LRP1B: variants seen among roughly 807,000 people sequenced by gnomAD.
LRP1B encodes LDL receptor related protein 1B.
In LRP1B, 217 loss-of-function variants were observed where a neutral mutation model predicts 556.6. The observed-to-expected ratio is 0.39, with a 90% CI of 0.35 to 0.44. The LOEUF is 0.44. Among genes scored for constraint, LRP1B ranks in the 20% least tolerant of loss-of-function variants. The pLI is 1.00. For missense variants in LRP1B, 5,053 were observed against 5,620.8 expected (o/e 0.90, Z 3.23); for synonymous variants, 2,047 against 1,865.8 (o/e 1.10, Z -2.50).
rs199617672 is a variant in LRP1B at position 141,984,382 on chromosome 2, TG to T, written c.82+146265del. 8.5e-3 allele frequency among the ~76,000 whole-genome samples: 309 copies of T among 36,280 alleles called. 5 individuals carry two copies. In the East Asian group the frequency reaches 0.26, roughly 31 times the overall value. 23.8% of individuals were successfully genotyped at this position (36,280 alleles called of 152,430 possible). A position where few individuals can be genotyped will look rare whatever the true frequency, so the allele number is the denominator to read the frequency against. On this transcript the variant is annotated intron_variant, in intron 1 of 90. Transcript: ENST00000389484. ...ACCAGGAAAATTGATGAAAGGTATG[TG>T]TTTAAGAGTTTGACAGAAACAGGAT... is the stretch of plus-strand genomic sequence containing the variant.
chr2:140,815,870 T>G (rs1573756119), intron 31 of LRP1B, among the ~76,000 whole-genome samples: 2 of 148,134 alleles, frequency 1.4e-5, no homozygotes, highest in African/African-American at 4.9e-5. Context: ...TGTCTCTCTT[T>G]TTTTTTTTTT....
Position 141,647,703 on chromosome 2 carries a change from G to GTTTT in LRP1B, c.205+162572_205+162575dup, listed in dbSNP as rs61107233. ...GTTTAGAACAGGGAATAACCTTCTA[G>GTTTT]TTTTTTTTTTTTTAAATAAGAGAGA... On this transcript the variant is annotated intron_variant, in intron 2 of 90. Transcript: ENST00000389484. Among the ~76,000 whole-genome samples the GTTTT allele has an allele frequency of 1.1e-3, 163 of 145,408 alleles. 1 individual carries two copies. The highest frequency in any genetic ancestry group is 2.2e-3 in the African/African-American group (86 of 39,974).
intron 2 of LRP1B, among the ~76,000 whole-genome samples, chr2:141,517,004 TAAAAAA>T (rs71391654): frequency 1.7e-4 from 2 of 11,730 alleles, no homozygotes; most frequent in South Asian, 0.014. Flanking sequence ...GCCCGTCTCT[TAAAAAA>T]AAAAAAAAAA....
At chr2:141,034,842 C>A in intron 11 of LRP1B, among the ~76,000 whole-genome samples, 1 of 151,198 alleles carries the variant, frequency 6.6e-6, no homozygotes, top group Admixed American at 6.6e-5. Flanking sequence ...TTTGACCCAG[C>A]CATCCCATTA....
At chr2:140,890,701 TATTAG>T (rs1305752762) in intron 23 of LRP1B, among the ~76,000 whole-genome samples, 1 of 152,028 alleles carries the variant, frequency 6.6e-6, no homozygotes, top group Non-Finnish European at 1.5e-5. Context: ...TATGTTGACT[TATTAG>T]ATTATTATTT....
intron 41 of LRP1B, among the ~76,000 whole-genome samples, chr2:140,666,277 T>A (rs1559042139): frequency 6.9e-6 from 1 of 145,150 alleles, no homozygotes; most frequent in Non-Finnish European, 1.5e-5. Context: ...ATAGGCAAAA[T>A]TTTTTAATAT....
intron 35 of LRP1B, among the ~76,000 whole-genome samples, chr2:140,719,709 C>T (rs943726083): frequency 6.6e-6 from 1 of 152,010 alleles, no homozygotes; most frequent in African/African-American, 2.4e-5. Flanking sequence ...ACCATGAGAT[C>T]ACAGCATTGA....
chr2:140,809,459 C>A (rs1690841498), intron 32 of LRP1B, among the ~76,000 whole-genome samples: 1 of 152,080 alleles, frequency 6.6e-6, no homozygotes, highest in Non-Finnish European at 1.5e-5. Context: ...CACTCCCAAG[C>A]TAGTTCAGAT....
intron 1 of LRP1B, among the ~76,000 whole-genome samples, chr2:141,870,282 T>G (rs904465386): frequency 6.6e-6 from 1 of 151,986 alleles, no homozygotes; most frequent in African/African-American, 2.4e-5. Context: ...TTCTCTACTC[T>G]GATGACTTCA....
At chr2:141,997,688 T>C (rs1702540303) in intron 1 of LRP1B, among the ~76,000 whole-genome samples, 1 of 150,572 alleles carries the variant, frequency 6.6e-6, no homozygotes, top group African/African-American at 2.4e-5. Context: ...GCTTTTTTTT[T>C]CTCTCTTAGG....
chr2:141,238,711 G>C (rs1683749688), intron 5 of LRP1B, among the ~76,000 whole-genome samples: 1 of 152,074 alleles, frequency 6.6e-6, no homozygotes, highest in Admixed American at 6.6e-5. Context: ...TCTTTAGAGA[G>C]AGTAATCTAA....
intron 2 of LRP1B, among the ~76,000 whole-genome samples, chr2:141,670,680 A>T (rs557108960): frequency 2.0e-5 from 3 of 152,358 alleles, no homozygotes; most frequent in African/African-American, 4.8e-5. Context: ...TTAAAACAAT[A>T]AATATTTTCC....
intron 3 of LRP1B, among the ~76,000 whole-genome samples, chr2:141,448,359 G>T (rs1052353415): frequency 2.0e-4 from 31 of 152,172 alleles, no homozygotes; most frequent in Admixed American, 1.7e-3. Flanking sequence ...GGCTCTGTGG[G>T]GTGGGATCTG....
chr2:140,564,939 T>C (rs1681070588), intron 43 of LRP1B, among the ~76,000 whole-genome samples: 1 of 152,098 alleles, frequency 6.6e-6, no homozygotes, highest in Non-Finnish European at 1.5e-5. Flanking sequence ...GATCTACTTG[T>C]ATATTTTTTA....
intron 7 of LRP1B, among the ~76,000 whole-genome samples, chr2:141,111,056 A>G (rs1026918275): frequency 3.9e-5 from 6 of 152,220 alleles, no homozygotes; most frequent in Non-Finnish European, 7.3e-5. Context: ...CAGTCACCCC[A>G]TGAAATAAGC....
At chr2:140,548,840 G>A (rs1329703442) in intron 43 of LRP1B, among the ~76,000 whole-genome samples, 7 of 152,010 alleles carry the variant, frequency 4.6e-5, no homozygotes, top group South Asian at 2.1e-4. Flanking sequence ...CAGGAAAATC[G>A]CTTGAACCCG....
chr2:141,554,101 C>G (rs1363450353), intron 2 of LRP1B, among the ~76,000 whole-genome samples: 1 of 134,734 alleles, frequency 7.4e-6, no homozygotes, highest in Non-Finnish European at 1.6e-5. Flanking sequence ...TTATATATAT[C>G]TATATTAATA....
intron 41 of LRP1B, among the ~76,000 whole-genome samples, chr2:140,604,305 G>A (rs980434249): frequency 2.0e-5 from 3 of 151,798 alleles, no homozygotes; most frequent in African/African-American, 7.3e-5. Context: ...GCATGAGTCA[G>A]GTCCTGACAT....
intron 32 of LRP1B, among the ~76,000 whole-genome samples, chr2:140,803,849 GAAAT>G (rs1168167725): frequency 5.3e-5 from 8 of 150,846 alleles, no homozygotes; most frequent in Non-Finnish European, 8.9e-5. Flanking sequence ...ATAAAGGAAA[GAAAT>G]AAACCCCTCC....
Sources: gnomAD v4.1 joint callset for allele counts (sites outside exome capture counted in the v4.1 genomes callset) on GRCh38, gnomAD v4.1.1 for gene constraint, MANE v1.5 for transcripts, NCBI Gene and HGNC (gene_info 2026-07-23, HGNC 2026-07-21) for gene names.